GPR158: variants seen among roughly 807,000 people sequenced by gnomAD.
GPR158 encodes the protein metabotropic glycine receptor.
Under a neutral mutation model 78.2 loss-of-function variants are expected in GPR158, and 30 were observed. The ratio of observed to expected loss-of-function variants is 0.38; its 90% CI spans 0.29 to 0.52. The LOEUF is 0.52. GPR158 is among the 20% of genes least tolerant of loss of function. The probability of loss-of-function intolerance (pLI) is 0.83; values close to 1 mark genes in which losing one functional copy is unlikely to be tolerated. For missense variants in GPR158, 1,463 were observed against 1,523.5 expected, an observed-to-expected ratio of 0.96 and a Z score of 0.66; for synonymous variants, 581 against 591.1, an observed-to-expected ratio of 0.98 and a Z score of 0.25.
intron 4 of GPR158, among the ~76,000 whole-genome samples, chr10:25,453,201 G>A (rs367696642): frequency 2.7e-4 from 41 of 152,258 alleles, no homozygotes; most frequent in African/African-American, 9.1e-4. Context: ...TGCAGATACC[G>A]CTTCGACATA....
At chr10:25,220,224 A>T (rs1023723473) in intron 1 of GPR158, among the ~76,000 whole-genome samples, 2 of 152,182 alleles carry the variant, frequency 1.3e-5, no homozygotes, top group African/African-American at 4.8e-5. Context: ...CATGTGTGAT[A>T]GTGCAGTGTT....
In GPR158 at chr10:25,599,278, C is replaced by A; in HGVS notation, c.*4C>A. On this transcript the variant is annotated 3_prime_UTR_variant, in exon 11 of 11. Coordinates refer to ENST00000376351, the MANE Select transcript of GPR158 (RefSeq NM_020752.3). Reference sequence around the variant, plus strand: ...CTGGGATAGTTTTAAAGTGTAGCATCTCCAGGAAGAAGAGGAAAAGGAGGG... The same window carrying A: ...CTGGGATAGTTTTAAAGTGTAGCATATCCAGGAAGAAGAGGAAAAGGAGGG... The A allele has an allele frequency of 6.3e-7, 1 of 1,594,350 alleles. No homozygotes were observed. Among genetic ancestry groups the A allele is most frequent in the Non-Finnish European group, 8.6e-7 (1 of 1,169,452 alleles).
intron 2 of GPR158, among the ~76,000 whole-genome samples, chr10:25,296,100 C>T (rs1240986096): frequency 6.7e-6 from 1 of 149,950 alleles, no homozygotes; most frequent in African/African-American, 2.5e-5. Flanking sequence ...GAGCTGGGGA[C>T]GTGCTTCAGC....
chr10:25,584,243 G>A (rs1383254898), intron 7 of GPR158, among the ~76,000 whole-genome samples: 1 of 152,128 alleles, frequency 6.6e-6, no homozygotes, highest in Non-Finnish European at 1.5e-5. Flanking sequence ...CAACTCCCAC[G>A]TAATAACACC....
At chr10:25,299,461 T>C (rs1034803952) in intron 2 of GPR158, among the ~76,000 whole-genome samples, 2 of 152,250 alleles carry the variant, frequency 1.3e-5, no homozygotes, top group South Asian at 4.1e-4. Flanking sequence ...GATCTTGTTT[T>C]AGATTCCACA....
chr10:25,582,943 T>C lies in GPR158; in HGVS notation c.1754-6064T>C, dbSNP rs1343821870. 2.6e-5 allele frequency among the ~76,000 whole-genome samples: 4 copies of C among 152,236 alleles called. No homozygotes were observed. In the East Asian group the frequency reaches 7.7e-4, roughly 29 times the overall value. The stretch of plus-strand genomic sequence containing the variant: ...TACAAACAATTGCTGCCTGGAAAAA[T>C]ATTTGTTTTCTTCAGTAGGATAAAA... On this transcript the variant is annotated intron_variant, in intron 7 of 10. Coordinates refer to ENST00000376351, the MANE Select transcript of GPR158 (RefSeq NM_020752.3).
chr10:25,399,447 G>T (rs1019540649), intron 3 of GPR158, among the ~76,000 whole-genome samples: 1 of 152,068 alleles, frequency 6.6e-6, no homozygotes, highest in African/African-American at 2.4e-5. Context: ...AGGGATCTAG[G>T]TTGCATGCTC....
At chr10:25,449,149 T>C (rs762206115) in intron 4 of GPR158, among the ~76,000 whole-genome samples, 3 of 152,210 alleles carry the variant, frequency 2.0e-5, no homozygotes, top group Non-Finnish European at 4.4e-5. Context: ...TTCCCTCCAA[T>C]ATGAATAATG....
chr10:25,413,487 T>A (rs1834620270), intron 4 of GPR158, among the ~76,000 whole-genome samples: 1 of 152,206 alleles, frequency 6.6e-6, no homozygotes, highest in African/African-American at 2.4e-5. Flanking sequence ...AATTTGTGAT[T>A]CTGATGCTTG....
chr10:25,282,912 A>G (rs1854297170), intron 2 of GPR158, among the ~76,000 whole-genome samples: 1 of 152,056 alleles, frequency 6.6e-6, no homozygotes, highest in Admixed American at 6.6e-5. Context: ...AATGTTTTCT[A>G]ATATTTTGTT....
Position 25,179,970 on chromosome 10 carries a change from C to T in GPR158, c.902+3648C>T, listed in dbSNP as rs962903864. On this transcript the variant is annotated intron_variant, in intron 1 of 10. Transcript: ENST00000376351. ...AGTACTATGGAGTTGGATCCCATTCCGTTGAATGCATAGATAGCTCTCTGG... is the reference window on the plus strand; with the variant it reads ...AGTACTATGGAGTTGGATCCCATTCTGTTGAATGCATAGATAGCTCTCTGG... Among the ~76,000 whole-genome samples the T allele has an allele frequency of 4.6e-5, 7 of 152,022 alleles. No homozygotes were observed. The South Asian group carries it at 8.3e-4, about 18-fold the overall frequency.
intron 2 of GPR158, among the ~76,000 whole-genome samples, chr10:25,270,729 T>C (rs933235320): frequency 3.3e-5 from 5 of 152,304 alleles, no homozygotes; most frequent in African/African-American, 4.8e-5. Context: ...CGAAGTCCCA[T>C]TGATTTTATC....
At chr10:25,382,772 G>A (rs1834172849) in intron 2 of GPR158, among the ~76,000 whole-genome samples, 1 of 152,052 alleles carries the variant, frequency 6.6e-6, no homozygotes, top group Non-Finnish European at 1.5e-5. Context: ...TTAGTACAAA[G>A]TCTCCCCAAA....
chr10:25,477,816 G>A (rs1564466423), intron 5 of GPR158, among the ~76,000 whole-genome samples: 1 of 152,142 alleles, frequency 6.6e-6, no homozygotes, highest in Non-Finnish European at 1.5e-5. Flanking sequence ...CCAAACTGTT[G>A]GAGGATTTCA....
intron 2 of GPR158, among the ~76,000 whole-genome samples, chr10:25,314,854 C>T (rs1440271517): frequency 0.091 from 9,940 of 108,712 alleles, 771 homozygotes; most frequent in African/African-American, 0.26. Flanking sequence ...TATACATACA[C>T]ACACTGTCAT....
rs116257417 is a variant in GPR158, at chr10:25,467,649, T to G, written c.1404+930T>G. ...CTCCCCAGACCCCTTAGATAGGAAT[T>G]TGGGCAAGATAAAAATCGGAGCTTG... is the stretch of plus-strand genomic sequence containing the variant. On this transcript the variant is annotated intron_variant, in intron 5 of 10. Transcript: ENST00000376351. Among the ~76,000 whole-genome samples the G allele has an allele frequency of 5.3e-3, 808 of 152,170 alleles. 10 individuals carry two copies. Among genetic ancestry groups the G allele is most frequent in the African/African-American group, 0.018 (767 of 41,534 alleles).
chr10:25,488,633 G>A (rs1547685), intron 5 of GPR158, among the ~76,000 whole-genome samples: 106,980 of 151,974 alleles, frequency 0.7, 38,268 homozygotes, highest in East Asian at 0.99. Flanking sequence ...CTGCCTATCA[G>A]TTATTAATTA....
chr10:25,579,398 A>G (rs1837155728), intron 7 of GPR158, among the ~76,000 whole-genome samples: 1 of 152,196 alleles, frequency 6.6e-6, no homozygotes, highest in South Asian at 2.1e-4. Flanking sequence ...CTAGATTTAG[A>G]TATCCCAGGC....
chr10:25,383,625 G>C (rs903658197), intron 2 of GPR158, among the ~76,000 whole-genome samples: 3 of 152,088 alleles, frequency 2.0e-5, no homozygotes, highest in Non-Finnish European at 4.4e-5. Context: ...TAACAGGTGT[G>C]GGACTTAATT....
Sources: allele counts gnomAD v4.1 joint callset (sites outside exome capture counted in the v4.1 genomes callset), GRCh38; gene constraint gnomAD v4.1.1; transcripts MANE v1.5; gene names NCBI Gene and HGNC (gene_info 2026-07-23, HGNC 2026-07-21).